TDP2: variants seen among roughly 807,000 people sequenced by gnomAD.
TDP2 encodes 5'-Tyr-DNA phosphodiesterase.
A neutral mutation model predicts 42.8 loss-of-function variants in TDP2; 38 were observed. The observed-to-expected ratio is 0.89, with a 90% CI of 0.68 to 1.16. The LOEUF (loss-of-function observed/expected upper bound fraction) is 1.16. TDP2 is among the 50% of genes most tolerant of loss of function. The probability of loss-of-function intolerance (pLI) is 0.00; values close to 1 mark genes in which losing one functional copy is unlikely to be tolerated. For synonymous variants in TDP2, 173 were observed against 150.6 expected, an observed-to-expected ratio of 1.15 and a Z score of -1.09; for missense variants, 439 against 439.3, an observed-to-expected ratio of 1.00 and a Z score of 0.01.
chr6:24,666,625 G>C lies in TDP2; in HGVS notation c.166-14C>G. 2 of 1,614,218 alleles carry C rather than the reference G, an allele frequency of 1.2e-6. No homozygotes were observed. The highest frequency in any genetic ancestry group is 1.7e-6 in the Non-Finnish European group (2 of 1,180,028). ...GTTCAGAGCCCTCTGAAAAACAAAG[G>C]CACAAGGGATGAGGTTTGTGCGCTC... On this transcript the variant is annotated splice_polypyrimidine_tract_variant and intron_variant, in intron 1 of 6. Transcript: ENST00000378198.
chr6:24,666,773 C>A lies in TDP2; in HGVS notation c.90G>T (p.Val30=), dbSNP rs749593177. Residue 30 remains valine, a synonymous_variant, in exon 1 of 7, where the codon GTG becomes GTT. Transcript: ENST00000378198. ...CGCAGCTTGCGACCGAGGCAAACTC[C>A]ACACACAGAAGTCGCCGCTTTTTCA... The part of the protein sequence containing the change: ...PEVKKRRLLC[V]EFASVASCDA... 1.1e-4 allele frequency: 175 copies of A among 1,614,134 alleles called. No homozygotes were observed. Among genetic ancestry groups the A allele is most frequent in the Non-Finnish European group, 9.5e-5 (112 of 1,180,052 alleles).
chr6:24,653,058 A>T lies in TDP2; in HGVS notation c.732T>A (p.Val244=). The T allele has an allele frequency of 1.2e-6, 2 of 1,614,112 alleles. No individual in the cohort carries two copies. Among genetic ancestry groups the T allele is most frequent in the Non-Finnish European group, 1.7e-6 (2 of 1,180,028 alleles). The change falls in exon 6 of 7, where the codon GTT becomes GTA. Residue 244 remains valine (V), a synonymous_variant. Coordinates refer to ENST00000378198, the MANE Select transcript of TDP2 (RefSeq NM_016614.3). ...CTGGAGCCTCTTGCATTTTCTTTAAAACCATTTTTAACTGATTCATTCGTT... is the reference window on the plus strand; with the variant it reads ...CTGGAGCCTCTTGCATTTTCTTTAATACCATTTTTAACTGATTCATTCGTT... The part of the protein sequence containing the change: ...AAERMNQLKM[V]LKKMQEAPES...
intron 2 of TDP2, among the ~76,000 whole-genome samples, chr6:24,663,900 A>T (rs984140824): frequency 1.4e-4 from 21 of 152,260 alleles, no homozygotes; most frequent in African/African-American, 5.1e-4. Context: ...ACAATATTTA[A>T]TATTTAATGC....
chr6:24,650,559 G>T lies in TDP2; in HGVS notation c.*229C>A. ...TAAGCACCGTTGAAAACTCTGACAG[G>T]CTTTGTGCCCTTTTTATTAAATGGC... On this transcript the variant is annotated 3_prime_UTR_variant, in exon 7 of 7. Coordinates refer to ENST00000378198, the MANE Select transcript of TDP2 (RefSeq NM_016614.3). 1.9e-6 allele frequency: 1 copy of T among 523,766 alleles called. No individual in the cohort carries two copies. Among genetic ancestry groups the T allele is most frequent in the South Asian group, 2.5e-5 (1 of 40,224 alleles). The allele number at this position is 523,766 out of a possible 1,614,324, so 32.4% of individuals were successfully genotyped here. A position where few individuals can be genotyped will look rare whatever the true frequency, so the allele number is the denominator to read the frequency against.
At chr6:24,658,405 A>G (rs898951246) in intron 3 of TDP2, among the ~76,000 whole-genome samples, 156 bp downstream of exon 3, 5 of 152,224 alleles carry the variant, frequency 3.3e-5, no homozygotes, top group African/African-American at 1.2e-4. Context: ...TGCAGCCTGC[A>G]ATCCTGCTCT....
rs778941478 is a variant in TDP2 at position 24,658,584 on chromosome 6, T to C, written c.402A>G (p.Arg134=). 1.3e-5 allele frequency: 21 copies of C among 1,612,846 alleles called. No individual in the cohort carries two copies. The highest frequency in any genetic ancestry group is 1.7e-5 in the Non-Finnish European group (20 of 1,179,446). Residue 134 remains arginine, a synonymous_variant, in exon 3 of 7, where the codon CGA becomes CGG. Transcript: ENST00000378198. ...ACAAAGCTAAGTAGGAACACACCCC[T>C]CGAGCCCTCTCTGACAGATTGTTTA... The part of the protein sequence containing the change: ...LDLNNLSERA[R]GVCSYLALYS...
chr6:24,663,535 T>C (rs1220990723), intron 2 of TDP2, among the ~76,000 whole-genome samples: 1 of 152,228 alleles, frequency 6.6e-6, no homozygotes, highest in East Asian at 1.9e-4. Context: ...ATCCGTAATG[T>C]TGGTAGTGGG....
chr6:24,661,821 G>GC (rs1325134706), intron 2 of TDP2, among the ~76,000 whole-genome samples: 1 of 56,292 alleles, frequency 1.8e-5, no homozygotes, highest in African/African-American at 1.4e-4. Context: ...GTCTTACTGT[G>GC]GGGGAAAGAG....
chr6:24,651,187 C>A, intron 6 of TDP2, 118 bp from the exon 7 acceptor site: 1 of 763,104 alleles, frequency 1.3e-6, no homozygotes, highest in South Asian at 1.9e-5. Flanking sequence ...TGCAGAAATG[C>A]AAAACAATGA....
chr6:24,652,502 C>A (rs1241425401), intron 6 of TDP2, among the ~76,000 whole-genome samples: 2 of 151,988 alleles, frequency 1.3e-5, no homozygotes, highest in Non-Finnish European at 2.9e-5. Context: ...TTGTTTCAGA[C>A]CTGGAGATCT....
intron 5 of TDP2, among the ~76,000 whole-genome samples, chr6:24,654,023 C>A (rs1327766998): frequency 6.6e-6 from 1 of 152,182 alleles, no homozygotes; most frequent in Non-Finnish European, 1.5e-5. Flanking sequence ...GCACTTATGC[C>A]TTTCTTATGT....
At chr6:24,663,380 G>A (rs1372905669) in intron 2 of TDP2, among the ~76,000 whole-genome samples, 1 of 152,146 alleles carries the variant, frequency 6.6e-6, no homozygotes, top group Admixed American at 6.5e-5. Context: ...AATAGCACAG[G>A]TGGACTTATA....
Position 24,650,020 on chromosome 6 carries a change from A to C in TDP2, c.*768T>G, listed in dbSNP as rs569568949. ...TATTTAAATTTCTCTTGTGGGGAAAATATTTTTCTTTAAAGCACACTTAAA... is the reference window on the plus strand; with the variant it reads ...TATTTAAATTTCTCTTGTGGGGAAACTATTTTTCTTTAAAGCACACTTAAA... On this transcript the variant is annotated 3_prime_UTR_variant, in exon 7 of 7. Transcript: ENST00000378198. 1 of 152,340 alleles carries C rather than the reference A, an allele frequency of 6.6e-6. No homozygotes were observed. The highest frequency in any genetic ancestry group is 2.1e-4 in the South Asian group (1 of 4,826). 9.4% of individuals were successfully genotyped at this position (152,340 alleles called of 1,614,324 possible).
At position 24,650,696 on chromosome 6, in the gene TDP2, G is replaced by T. The variant is rs11754730; in HGVS notation, c.*92C>A. The T allele has an allele frequency of 2.4e-6, 3 of 1,273,902 alleles. No homozygotes were observed. Among genetic ancestry groups the T allele is most frequent in the South Asian group, 2.8e-5 (2 of 70,874 alleles). The allele number at this position is 1,273,902 out of a possible 1,614,324, so 78.9% of individuals were successfully genotyped here. ...TTGGTTTTTCTGTGACAATGATCTA[G>T]TACATTATTTCCTCCACAGCAAACC... On this transcript the variant is annotated 3_prime_UTR_variant, in exon 7 of 7. Coordinates refer to ENST00000378198, the MANE Select transcript of TDP2 (RefSeq NM_016614.3).
chr6:24,657,732 C>T, intron 4 of TDP2, 80 bp downstream of exon 4: 1 of 741,484 alleles, frequency 1.3e-6, no homozygotes, highest in Non-Finnish European at 2.2e-6. Flanking sequence ...TCTCTATGTC[C>T]CAATAGACCA....
chr6:24,654,633 G>A (rs978205903), intron 4 of TDP2, 103 bp from the exon 5 acceptor site: 9 of 669,818 alleles, frequency 1.3e-5, no homozygotes, highest in African/African-American at 3.7e-5. Context: ...ACAGGTAACA[G>A]ATATTTACAT....
intron 4 of TDP2, among the ~76,000 whole-genome samples, chr6:24,656,139 A>C (rs1170210553): frequency 1.3e-5 from 2 of 152,198 alleles, no homozygotes; most frequent in African/African-American, 4.8e-5. Context: ...AAACAAACAA[A>C]AAACTAACAA....
chr6:24,650,845 A>G lies in TDP2; in HGVS notation c.1032T>C (p.Cys344=). 1 of 1,614,146 alleles carries G rather than the reference A, an allele frequency of 6.2e-7. No individual in the cohort carries two copies. The highest frequency in any genetic ancestry group is 8.5e-7 in the Non-Finnish European group (1 of 1,179,984). Residue 344 remains cysteine (C), a synonymous_variant, in exon 7 of 7, where the codon TGT becomes TGC. Coordinates refer to ENST00000378198, the MANE Select transcript of TDP2 (RefSeq NM_016614.3). ...CCCAGTGATCACTAGGAAATCTACCACAGTCCAGTTTTTCTAATCCAAGAA... is the reference window on the plus strand; with the variant it reads ...CCCAGTGATCACTAGGAAATCTACCGCAGTCCAGTTTTTCTAATCCAAGAA... ...LDLLGLEKLD[C]GRFPSDHWGL...
chr6:24,659,204 T>C (rs1344409268), intron 2 of TDP2: 1 of 152,744 alleles, frequency 6.5e-6, no homozygotes, highest in Non-Finnish European at 1.5e-5. Context: ...TCAACAATCC[T>C]CACACCTTGG....
Sources: gnomAD v4.1 joint callset for allele counts (sites outside exome capture counted in the v4.1 genomes callset) on GRCh38, gnomAD v4.1.1 for gene constraint, MANE v1.5 for transcripts, NCBI Gene and HGNC (gene_info 2026-07-23, HGNC 2026-07-21) for gene names.